SASH1: variants seen among roughly 807,000 people sequenced by gnomAD.
SASH1 encodes SAM and SH3 domain-containing protein 1.
In SASH1, 44 loss-of-function variants were observed where a neutral mutation model predicts 125.2. The ratio of observed to expected loss-of-function variants is 0.35; its 90% CI spans 0.28 to 0.45. The LOEUF is 0.45. SASH1 is among the 20% of genes least tolerant of loss of function. The pLI is 1.00. For synonymous variants in SASH1, 639 were observed against 649.1 expected (o/e 0.98, Z 0.24); for missense variants, 1,426 against 1,614.5 (o/e 0.88, Z 2.00).
At chr6:148,328,025 G>A (rs536180661) in intron 1 of SASH1, among the ~76,000 whole-genome samples, 3 of 152,112 alleles carry the variant, frequency 2.0e-5, no homozygotes, top group Non-Finnish European at 4.4e-5. Context: ...TACGTGAAGT[G>A]TTTTATGGCA....
At chr6:148,433,688 C>T (rs574991505) in intron 2 of SASH1, among the ~76,000 whole-genome samples, 15 of 152,006 alleles carry the variant, frequency 9.9e-5, no homozygotes, top group African/African-American at 3.1e-4. Context: ...CCACCATGCC[C>T]GGCCTGTTTT....
At chr6:148,403,017 A>G (rs570356962) in intron 2 of SASH1, among the ~76,000 whole-genome samples, 9 of 152,296 alleles carry the variant, frequency 5.9e-5, no homozygotes, top group African/African-American at 1.9e-4. Context: ...AGAGATATTC[A>G]TTATAAAGTT....
intron 2 of SASH1, among the ~76,000 whole-genome samples, chr6:148,418,200 A>G (rs996799353): frequency 6.6e-6 from 1 of 152,152 alleles, no homozygotes; most frequent in African/African-American, 2.4e-5. Flanking sequence ...CATCATTTCA[A>G]TTTTTTGTTT....
At chr6:148,416,609 G>A (rs949258820) in intron 2 of SASH1, among the ~76,000 whole-genome samples, 1 of 152,186 alleles carries the variant, frequency 6.6e-6, no homozygotes, top group Non-Finnish European at 1.5e-5. Flanking sequence ...TCAGAGGCCT[G>A]CAGGAAGAGG....
intron 1 of SASH1, among the ~76,000 whole-genome samples, chr6:148,367,999 C>CA (rs572724847): frequency 4.9e-4 from 74 of 152,326 alleles, no homozygotes; most frequent in African/African-American, 1.7e-3. Flanking sequence ...AGCACCCAGC[C>CA]ATATGTTTCC....
intron 1 of SASH1, among the ~76,000 whole-genome samples, chr6:148,332,087 G>A (rs1413684599): frequency 2.0e-5 from 3 of 151,998 alleles, no homozygotes; most frequent in Non-Finnish European, 2.9e-5. Context: ...TTTCTCTTTA[G>A]TTTGCTCTTA....
chr6:148,371,491 C>G (rs2114748597), intron 1 of SASH1, among the ~76,000 whole-genome samples: 1 of 151,746 alleles, frequency 6.6e-6, no homozygotes, highest in South Asian at 2.1e-4. Context: ...TGATCTCAAA[C>G]TCCAGACCTC....
At chr6:148,513,246 A>G (rs1780251435) in intron 8 of SASH1, 1 of 985,386 alleles carries the variant, frequency 1.0e-6, no homozygotes. Context: ...TGAGGCATTT[A>G]TCTTCCTACT....
At chr6:148,487,908 C>T (rs1451215602) in intron 8 of SASH1, among the ~76,000 whole-genome samples, 193 bp downstream of exon 8, 1 of 149,964 alleles carries the variant, frequency 6.7e-6, no homozygotes, top group Non-Finnish European at 1.5e-5. Flanking sequence ...TGTTATCATG[C>T]TGGGGTTTTG....
At chr6:148,472,533 T>A (rs1778166957) in intron 6 of SASH1, among the ~76,000 whole-genome samples, 1 of 151,410 alleles carries the variant, frequency 6.6e-6, no homozygotes, top group African/African-American at 2.4e-5. Flanking sequence ...GTTTACCAGC[T>A]AATGTGGATT....
the SASH1 span, among the ~76,000 whole-genome samples, chr6:148,208,104 G>T: frequency 6.6e-6 from 1 of 152,136 alleles, no homozygotes; most frequent in African/African-American, 2.4e-5. Flanking sequence ...CCCCCGTTTG[G>T]TGTGGTGCCC....
intron 1 of SASH1, chr6:148,272,446 T>G (rs1779085846): frequency 2.2e-6 from 1 of 456,304 alleles, no homozygotes. Flanking sequence ...GACTGATATA[T>G]TCAGGAAAGG....
chr6:148,341,677 CAAAA>C (rs1478943827), upstream of SASH1, among the ~76,000 whole-genome samples: 2 of 151,618 alleles, frequency 1.3e-5, no homozygotes, highest in African/African-American at 4.8e-5. Flanking sequence ...CAAAACAAAA[CAAAA>C]CAAACAAACA....
intron 1 of SASH1, among the ~76,000 whole-genome samples, chr6:148,363,936 C>A (rs1387442525): frequency 6.6e-6 from 1 of 152,142 alleles, no homozygotes; most frequent in African/African-American, 2.4e-5. Flanking sequence ...TAATTAAACT[C>A]TAATGGGACA....
intron 15 of SASH1, 58 bp from the exon 16 acceptor site, chr6:148,534,693 G>A: frequency 6.4e-7 from 1 of 1,562,004 alleles, no homozygotes; most frequent in Non-Finnish European, 8.8e-7. Context: ...GTTGTTGGCG[G>A]TGTTATCATG....
At chr6:148,198,502 G>A in the SASH1 span, among the ~76,000 whole-genome samples, 1 of 152,186 alleles carries the variant, frequency 6.6e-6, no homozygotes, top group South Asian at 2.1e-4. Context: ...TTCTAGGCAT[G>A]TACATAGTTA....
At chr6:148,359,975 G>T (rs973611627) in intron 1 of SASH1, among the ~76,000 whole-genome samples, 5 of 152,172 alleles carry the variant, frequency 3.3e-5, no homozygotes, top group Non-Finnish European at 7.3e-5. Context: ...AGCCAGGATG[G>T]TCTTGATCTC....
At chr6:148,395,615 G>A (rs887329237) in intron 2 of SASH1, among the ~76,000 whole-genome samples, 2 of 152,154 alleles carry the variant, frequency 1.3e-5, no homozygotes, top group South Asian at 4.2e-4. Flanking sequence ...CACCAAATGG[G>A]CCCTACAGGA....
intron 1 of SASH1, among the ~76,000 whole-genome samples, chr6:148,388,785 A>C (rs1168160701): frequency 6.6e-6 from 1 of 152,242 alleles, no homozygotes; most frequent in Non-Finnish European, 1.5e-5. Flanking sequence ...TCGCAGTGTT[A>C]GGCGTGTGTT....
Sources: allele counts gnomAD v4.1 joint callset (sites outside exome capture counted in the v4.1 genomes callset), GRCh38; gene constraint gnomAD v4.1.1; transcripts MANE v1.5; gene names NCBI Gene and HGNC (gene_info 2026-07-23, HGNC 2026-07-21).